Variants in CCDC144A observed in about 807,000 individuals in gnomAD.
CCDC144A encodes the protein coiled-coil domain-containing protein 144A.
In CCDC144A, 41 loss-of-function variants were observed where a neutral mutation model predicts 143.8. The ratio of observed to expected loss-of-function variants is 0.29; its 90% CI spans 0.22 to 0.37. CCDC144A has a LOEUF of 0.37. Among genes scored for constraint, CCDC144A ranks in the 10% least tolerant of loss-of-function variants. CCDC144A has a pLI of 1.00. For missense variants in CCDC144A, 637 were observed against 1,488.8 expected (o/e 0.43, Z 9.41); for synonymous variants, 242 against 517.9 (o/e 0.47, Z 7.23).
At chr17:16,769,372 T>G (rs1915735199) in intron 15 of CCDC144A, among the ~76,000 whole-genome samples, 1 of 152,262 alleles carries the variant, frequency 6.6e-6, no homozygotes, top group Non-Finnish European at 1.5e-5. Context: ...CATTTATGGC[T>G]GGATTTAAGT....
the CCDC144A span, chr17:16,683,851 G>A: frequency 2.9e-6 from 4 of 1,395,820 alleles, no homozygotes; most frequent in Admixed American, 5.0e-5. Context: ...GCAGAGACAC[G>A]TTTTCCTACA....
chr17:16,746,226 A>G, intron 12 of CCDC144A: 1 of 1,337,386 alleles, frequency 7.5e-7, no homozygotes, highest in Non-Finnish European at 1.0e-6. Context: ...CTTAATCCTT[A>G]CTTCTTTCTC....
At chr17:16,742,669 C>T (rs1914311035) in intron 12 of CCDC144A, among the ~76,000 whole-genome samples, 2 of 152,150 alleles carry the variant, frequency 1.3e-5, no homozygotes, top group African/African-American at 4.8e-5. Context: ...TCCACGAGTG[C>T]ATAAGAGTTT....
chr17:16,754,138 A>G (rs1224082666), intron 12 of CCDC144A, among the ~76,000 whole-genome samples: 1 of 152,156 alleles, frequency 6.6e-6, no homozygotes, highest in Non-Finnish European at 1.5e-5. Context: ...ATAGTCTCTC[A>G]TGACTCCATG....
upstream of CCDC144A, among the ~76,000 whole-genome samples, chr17:16,688,724 A>C (rs567041571): frequency 6.6e-6 from 1 of 152,156 alleles, no homozygotes; most frequent in South Asian, 2.1e-4. Flanking sequence ...TCTTGACCTC[A>C]TGATCTACCT....
intron 8 of CCDC144A, among the ~76,000 whole-genome samples, chr17:16,723,946 ATT>A (rs1913239431): frequency 6.6e-6 from 1 of 152,020 alleles, no homozygotes; most frequent in African/African-American, 2.4e-5. Context: ...AGTCAAGACC[ATT>A]GACTTGAGAG....
At chr17:16,688,470 T>C (rs1356025221), upstream of CCDC144A, among the ~76,000 whole-genome samples, 1 of 146,624 alleles carries the variant, frequency 6.8e-6, no homozygotes, top group Admixed American at 7.1e-5. Context: ...GGGTGATACT[T>C]TTTTTCTTTT....
chr17:16,715,967 C>A (rs1912728496), intron 6 of CCDC144A, among the ~76,000 whole-genome samples: 1 of 152,230 alleles, frequency 6.6e-6, no homozygotes, highest in Non-Finnish European at 1.5e-5. Context: ...TGATGATTGA[C>A]TGTATTTACA....
At chr17:16,672,445 C>G in the CCDC144A span, among the ~76,000 whole-genome samples, 1 of 151,074 alleles carries the variant, frequency 6.6e-6, no homozygotes, top group East Asian at 1.9e-4. Flanking sequence ...AACTCCATCT[C>G]AAAAAAACAA....
chr17:16,686,096 T>TTG (rs1910771546), upstream of CCDC144A, among the ~76,000 whole-genome samples: 1 of 148,202 alleles, frequency 6.7e-6, no homozygotes. Flanking sequence ...TTTTTGTTTT[T>TTG]TTTTTTTTTT....
intron 12 of CCDC144A, among the ~76,000 whole-genome samples, chr17:16,760,194 C>T (rs1260288810): frequency 6.6e-6 from 1 of 151,724 alleles, no homozygotes; most frequent in Non-Finnish European, 1.5e-5. Flanking sequence ...AGTTCTGCCA[C>T]ATTGTGTTCC....
At position 16,757,468 on chromosome 17, in the gene CCDC144A, T is replaced by C. The variant is rs2454632; in HGVS notation, c.3373-3957T>C. ...GACTCTCCTTGGTATTAGTGGTAGA[T>C]GGGGCCTGGGTAAAGGCACAGAGGC... is the stretch of plus-strand genomic sequence containing the variant. On this transcript the variant is annotated intron_variant, in intron 12 of 16. Coordinates refer to ENST00000399273, the MANE Select transcript of CCDC144A (RefSeq NM_001382000.1). Among the ~76,000 whole-genome samples the C allele has an allele frequency of 2.7e-3, 415 of 152,208 alleles. 4 individuals are homozygous for C. The highest frequency in any genetic ancestry group is 9.6e-3 in the African/African-American group (397 of 41,452).
intron 6 of CCDC144A, among the ~76,000 whole-genome samples, chr17:16,712,524 T>C (rs1912513934): frequency 6.6e-6 from 1 of 152,116 alleles, no homozygotes; most frequent in African/African-American, 2.4e-5. Context: ...CATACACATA[T>C]ATGTTAAGGA....
intron 12 of CCDC144A, among the ~76,000 whole-genome samples, chr17:16,744,612 T>G (rs1196555338): frequency 1.3e-5 from 2 of 152,166 alleles, no homozygotes; most frequent in Non-Finnish European, 2.9e-5. Context: ...TAGAACTTTG[T>G]TCAATGCATA....
In CCDC144A at chr17:16,734,818, T is replaced by A; in HGVS notation, c.2547T>A (p.Tyr849Ter). ...AGAACAAGCAAAAGGAAAAGAAATA[T>A]TTTGAGGACATTGAGGCTGTGAAAG... is the stretch of plus-strand genomic sequence containing the variant. ...KNQNKQKEKK[Y>*]FEDIEAVKEK... Residue 849 changes from tyrosine (Y) to a stop codon, truncating the protein, a stop_gained, in exon 12 of 17, where the codon TAT (tyrosine) becomes TAA (stop). Coordinates refer to ENST00000399273, the MANE Select transcript of CCDC144A (RefSeq NM_001382000.1). LOFTEE classifies it high-confidence loss of function. The A allele has an allele frequency of 1.9e-6, 3 of 1,555,430 alleles. No individual in the cohort carries two copies. In the South Asian group the frequency reaches 3.7e-5, roughly 19 times the overall value.
chr17:16,683,302 T>C, the CCDC144A span: 40,790 of 579,218 alleles, frequency 0.07, 2,162 homozygotes, highest in South Asian at 0.15. Context: ...TATACAATTT[T>C]ATTTGTCATT....
intron 2 of CCDC144A, among the ~76,000 whole-genome samples, chr17:16,703,720 G>A (rs1201524281): frequency 5.3e-5 from 8 of 152,144 alleles, no homozygotes; most frequent in Middle Eastern, 3.4e-3. Context: ...AGAGAATGGC[G>A]TGAACCCGGC....
intron 2 of CCDC144A, among the ~76,000 whole-genome samples, chr17:16,700,332 C>T (rs1357194792): frequency 1.3e-5 from 2 of 152,068 alleles, no homozygotes; most frequent in Non-Finnish European, 2.9e-5. Flanking sequence ...GGCTCAGCAC[C>T]CATGTTTTCG....
intron 2 of CCDC144A, among the ~76,000 whole-genome samples, chr17:16,699,734 A>AT (rs1184337395): frequency 6.7e-6 from 1 of 149,510 alleles, no homozygotes; most frequent in Non-Finnish European, 1.5e-5. Flanking sequence ...TGATCTTATA[A>AT]TTTTTTGTTC....
Sources: allele counts gnomAD v4.1 joint callset (sites outside exome capture counted in the v4.1 genomes callset), GRCh38; gene constraint gnomAD v4.1.1; transcripts MANE v1.5; gene names NCBI Gene and HGNC (gene_info 2026-07-23, HGNC 2026-07-21).